The following AOAH variants were observed in gnomAD, a reference collection of about 807,000 sequenced individuals.
AOAH encodes the protein acyloxyacyl hydrolase (neutrophil).
Under a neutral mutation model 92.2 loss-of-function variants are expected in AOAH, and 64 were observed. The observed-to-expected ratio is 0.69, with a 90% CI of 0.57 to 0.86. AOAH has a LOEUF of 0.86. Among genes scored for constraint, AOAH ranks in the 40% least tolerant of loss-of-function variants. The pLI, the probability that AOAH is intolerant of heterozygous loss-of-function variation, is 0.00. For missense variants in AOAH, 656 were observed against 694.6 expected (o/e 0.94, Z 0.62); for synonymous variants, 263 against 254.5 (o/e 1.03, Z -0.32).
intron 20 of AOAH, among the ~76,000 whole-genome samples, chr7:36,517,725 T>C (rs572350604): frequency 1.2e-3 from 177 of 149,934 alleles, no homozygotes; most frequent in Non-Finnish European, 2.2e-3. Flanking sequence ...CTCAGCCTCC[T>C]GAGTAGCTGG....
chr7:36,514,695 G>A (rs1790236993), intron 20 of AOAH: 1 of 773,884 alleles, frequency 1.3e-6, no homozygotes, highest in African/African-American at 1.7e-5. Context: ...TGAGAAATGT[G>A]ATTGCTGAAG....
At chr7:36,560,741 T>C (rs1040149660) in intron 13 of AOAH, among the ~76,000 whole-genome samples, 2 of 152,226 alleles carry the variant, frequency 1.3e-5, no homozygotes, top group African/African-American at 2.4e-5. Context: ...TTTTGCCTGA[T>C]TGCTCTGGCA....
chr7:36,696,860 G>A (rs1390031244), intron 1 of AOAH, among the ~76,000 whole-genome samples: 1 of 111,492 alleles, frequency 9.0e-6, no homozygotes, highest in African/African-American at 3.2e-5. Flanking sequence ...GCGAGGCTAC[G>A]TCTCCAGAAA....
chr7:36,545,637 GTATAATT>G (rs1225030666), intron 15 of AOAH, among the ~76,000 whole-genome samples: 2 of 152,144 alleles, frequency 1.3e-5, no homozygotes, highest in Non-Finnish European at 2.9e-5. Flanking sequence ...AGATGAAAAT[GTATAATT>G]TATACTTTCT....
At chr7:36,638,414 C>T (rs1329572800) in intron 4 of AOAH, among the ~76,000 whole-genome samples, 2 of 152,240 alleles carry the variant, frequency 1.3e-5, no homozygotes, top group Non-Finnish European at 2.9e-5. Context: ...TCTCAGTCAC[C>T]TCCTCTTCCC....
chr7:36,646,488 C>G (rs554758957), intron 4 of AOAH, among the ~76,000 whole-genome samples: 2 of 152,288 alleles, frequency 1.3e-5, no homozygotes, highest in South Asian at 4.1e-4. Flanking sequence ...TAGTCTTTTA[C>G]TTTTTTTCTA....
At chr7:36,570,710 C>T (rs565922090) in intron 13 of AOAH, among the ~76,000 whole-genome samples, 2 of 152,264 alleles carry the variant, frequency 1.3e-5, no homozygotes, top group African/African-American at 2.4e-5. Context: ...GGTGATATCT[C>T]GTCGTGGTTC....
chr7:36,698,679 T>C (rs1797858075), intron 1 of AOAH, among the ~76,000 whole-genome samples: 1 of 152,212 alleles, frequency 6.6e-6, no homozygotes. Context: ...CTATTTTTTA[T>C]TGATACATAA....
intron 13 of AOAH, among the ~76,000 whole-genome samples, chr7:36,576,267 C>T (rs532943765): frequency 6.6e-6 from 1 of 152,332 alleles, no homozygotes; most frequent in South Asian, 2.1e-4. Flanking sequence ...TGCTAATGCT[C>T]ATTTAGGTCT....
intron 3 of AOAH, among the ~76,000 whole-genome samples, chr7:36,661,458 G>T (rs1795209702): frequency 6.6e-6 from 1 of 152,120 alleles, no homozygotes; most frequent in African/African-American, 2.4e-5. Flanking sequence ...GGTTCCTTTG[G>T]TTTACTGTCC....
chr7:36,581,372 G>T (rs941789278), intron 12 of AOAH, among the ~76,000 whole-genome samples: 1 of 152,134 alleles, frequency 6.6e-6, no homozygotes. Context: ...ATTTACTGTC[G>T]TTAGAGTAGG....
intron 4 of AOAH, among the ~76,000 whole-genome samples, chr7:36,652,511 T>C (rs1481489150): frequency 1.3e-5 from 2 of 152,190 alleles, no homozygotes; most frequent in Admixed American, 1.3e-4. Context: ...ACTTAAAGAC[T>C]CACTTCTAAA....
chr7:36,709,165 G>C (rs985647813), intron 1 of AOAH, among the ~76,000 whole-genome samples: 4 of 152,118 alleles, frequency 2.6e-5, no homozygotes, highest in African/African-American at 9.7e-5. Context: ...CTTCATCAGG[G>C]ATCAAACCTT....
chr7:36,548,755 G>T, intron 14 of AOAH, 69 bp from the exon 15 acceptor site: 2 of 1,435,348 alleles, frequency 1.4e-6, no homozygotes, highest in Non-Finnish European at 2.0e-6. Context: ...AGTGACACAG[G>T]CTGGGCCTTT....
chr7:36,648,464 A>G (rs958844383), intron 4 of AOAH, among the ~76,000 whole-genome samples: 1 of 152,094 alleles, frequency 6.6e-6, no homozygotes, highest in Non-Finnish European at 1.5e-5. Flanking sequence ...TTCAAACAGA[A>G]AATAATTCAT....
chr7:36,517,224 C>CTTTCTTTTTCTCTTTCTTTCTTTCTT (rs1229778638), intron 20 of AOAH, among the ~76,000 whole-genome samples: 2 of 47,586 alleles, frequency 4.2e-5, no homozygotes, highest in Non-Finnish European at 5.6e-5. Context: ...CTCTTTCTTT[C>CTTTCTTTTTCTCTTTCTTTCTTTCTT]TGTCTCTCTC....
intron 7 of AOAH, among the ~76,000 whole-genome samples, chr7:36,622,540 A>G (rs1316516442): frequency 6.6e-6 from 1 of 152,072 alleles, no homozygotes; most frequent in Admixed American, 6.6e-5. Context: ...ATACCCTGAC[A>G]TTTTAACTGT....
intron 1 of AOAH, among the ~76,000 whole-genome samples, chr7:36,702,448 G>A (rs763093477): frequency 6.6e-6 from 1 of 152,110 alleles, no homozygotes; most frequent in African/African-American, 2.4e-5. Flanking sequence ...ACTCTTGGTT[G>A]ATAACTTCTT....
intron 16 of AOAH, 38 bp from the exon 17 acceptor site, chr7:36,532,382 G>C (rs369441530): frequency 3.1e-6 from 5 of 1,602,410 alleles, no homozygotes; most frequent in Non-Finnish European, 3.4e-6. Context: ...GCATCCACTC[G>C]GCAATAGCAG....
Sources: gnomAD v4.1 joint callset for allele counts (sites outside exome capture counted in the v4.1 genomes callset) on GRCh38, gnomAD v4.1.1 for gene constraint, MANE v1.5 for transcripts, NCBI Gene and HGNC (gene_info 2026-07-23, HGNC 2026-07-21) for gene names.